ATF7: variants seen among roughly 807,000 people sequenced by gnomAD.
ATF7 encodes the protein cyclic AMP-dependent transcription factor ATF-7.
In ATF7, 10 loss-of-function variants were observed where a neutral mutation model predicts 50.4. The ratio of observed to expected loss-of-function variants is 0.20; its 90% confidence interval spans 0.12 to 0.34. The LOEUF (loss-of-function observed/expected upper bound fraction) is 0.34, where lower values mean the gene tolerates loss of function less well. ATF7 is among the 10% of genes least tolerant of loss of function. The pLI is 1.00. For synonymous variants in ATF7, 201 were observed against 226.4 expected (o/e 0.89, Z 1.01); for missense variants, 465 against 613.9 (o/e 0.76, Z 2.56).
At chr12:53,597,594 G>T (rs1392928839) in intron 2 of ATF7, among the ~76,000 whole-genome samples, 1 of 152,096 alleles carries the variant, frequency 6.6e-6, no homozygotes, top group Non-Finnish European at 1.5e-5. Context: ...AGGACCACGA[G>T]GTCAGGAGAC....
chr12:53,580,949 T>C (rs1942394260), intron 2 of ATF7, among the ~76,000 whole-genome samples: 1 of 150,798 alleles, frequency 6.6e-6, no homozygotes, highest in African/African-American at 2.4e-5. Flanking sequence ...CTGTCTCTAC[T>C]AAAAATACAA....
intron 3 of ATF7, among the ~76,000 whole-genome samples, chr12:53,551,389 C>T (rs913972526): frequency 6.6e-6 from 1 of 152,124 alleles, no homozygotes. Flanking sequence ...CTCGAACTCC[C>T]AGCCTCAAGC....
At chr12:53,625,045 A>T (rs1439854671) in intron 1 of ATF7, among the ~76,000 whole-genome samples, 1 of 152,222 alleles carries the variant, frequency 6.6e-6, no homozygotes, top group African/African-American at 2.4e-5. Context: ...TGTACTTAAT[A>T]TGACATGACC....
At chr12:53,552,493 T>C in intron 3 of ATF7, 48 bp downstream of exon 3, 2 of 1,428,412 alleles carry the variant, frequency 1.4e-6, no homozygotes, top group Non-Finnish European at 2.0e-6. Context: ...GTATTAATCT[T>C]AACTGCCTGG....
At chr12:53,562,405 C>T (rs1240453318) in intron 2 of ATF7, among the ~76,000 whole-genome samples, 1 of 152,060 alleles carries the variant, frequency 6.6e-6, no homozygotes, top group African/African-American at 2.4e-5. Context: ...TTTGAGAGGC[C>T]GAGGCGGGCA....
At chr12:53,577,728 A>AGAAAG (rs1555221467) in intron 2 of ATF7, among the ~76,000 whole-genome samples, 4 of 147,296 alleles carry the variant, frequency 2.7e-5, no homozygotes, top group East Asian at 2.0e-4. Flanking sequence ...AAAAAAAAAA[A>AGAAAG]AAAGAAAGAA....
chr12:53,565,745 A>G (rs1941412692), intron 2 of ATF7, among the ~76,000 whole-genome samples: 1 of 152,236 alleles, frequency 6.6e-6, no homozygotes, highest in Admixed American at 6.5e-5. Context: ...CACCTGCCTC[A>G]GCTTCCCAAA....
chr12:53,509,451 T>A (rs1201146832), downstream of ATF7, among the ~76,000 whole-genome samples: 2 of 151,810 alleles, frequency 1.3e-5, no homozygotes, highest in East Asian at 3.9e-4. Flanking sequence ...ATCTCTTTCA[T>A]GTGTAAAAGC....
intron 11 of ATF7, among the ~76,000 whole-genome samples, chr12:53,517,952 C>T (rs1316375933): frequency 6.6e-6 from 1 of 152,100 alleles, no homozygotes; most frequent in Non-Finnish European, 1.5e-5. Flanking sequence ...GCAACCTCTG[C>T]CATCCAGGTT....
chr12:53,546,204 C>A (rs1032593397), intron 3 of ATF7, among the ~76,000 whole-genome samples: 7 of 151,630 alleles, frequency 4.6e-5, no homozygotes, highest in African/African-American at 1.7e-4. Context: ...AAAAAACAAA[C>A]AAACAAACAA....
rs767868371 is a variant in ATF7 at position 53,514,369 on chromosome 12, T to G, written c.*2768A>C. ...CTCCCTTAGGCCTCTAGAAACGCCA[T>G]GGACTTTAGGAAGGGCCAAGTGACA... On this transcript the variant is annotated 3_prime_UTR_variant, in exon 12 of 12. Coordinates refer to ENST00000420353, the MANE Select transcript of ATF7 (RefSeq NM_006856.3). 1 of 152,186 alleles carries G rather than the reference T, an allele frequency of 6.6e-6. No homozygotes were observed. Among genetic ancestry groups the G allele is most frequent in the Admixed American group, 6.5e-5 (1 of 15,272 alleles). 9.4% of individuals were successfully genotyped at this position (152,186 alleles called of 1,614,324 possible).
chr12:53,622,493 G>A (rs1426557748), intron 1 of ATF7, among the ~76,000 whole-genome samples: 1 of 151,696 alleles, frequency 6.6e-6, no homozygotes, highest in Non-Finnish European at 1.5e-5. Flanking sequence ...GGTGGCGGGC[G>A]CCTGCTAGTC....
At chr12:53,582,300 G>C (rs1159625302) in intron 2 of ATF7, among the ~76,000 whole-genome samples, 1 of 149,488 alleles carries the variant, frequency 6.7e-6, no homozygotes. Flanking sequence ...CTACACTCCA[G>C]CCTGGCGACA....
intron 1 of ATF7, among the ~76,000 whole-genome samples, chr12:53,624,005 T>C (rs887286748): frequency 3.3e-5 from 5 of 152,194 alleles, no homozygotes; most frequent in African/African-American, 1.2e-4. Flanking sequence ...AGCAGTGTTA[T>C]CACTCTAGCT....
chr12:53,518,881 T>A (rs1937904300), intron 11 of ATF7, among the ~76,000 whole-genome samples: 1 of 145,306 alleles, frequency 6.9e-6, no homozygotes, highest in Non-Finnish European at 1.5e-5. Context: ...CCGTCTCTAC[T>A]CAAAAAAAAA....
intron 2 of ATF7, among the ~76,000 whole-genome samples, chr12:53,581,034 C>T (rs754588673): frequency 2.6e-5 from 4 of 151,984 alleles, no homozygotes; most frequent in East Asian, 1.9e-4. Flanking sequence ...ACCATTTGAA[C>T]CTGGGAGGTA....
chr12:53,587,289 C>A (rs2137742339), intron 2 of ATF7, among the ~76,000 whole-genome samples: 1 of 146,236 alleles, frequency 6.8e-6, no homozygotes, highest in East Asian at 2.1e-4. Context: ...ATCACTTGAA[C>A]CTGGGAAGTG....
At chr12:53,552,510 C>T (rs754243308) in intron 3 of ATF7, 31 bp downstream of exon 3, 15 of 1,562,650 alleles carry the variant, frequency 9.6e-6, no homozygotes, top group Non-Finnish European at 1.1e-5. Context: ...CTGGTGGTAT[C>T]AAGGCACGTG....
intron 1 of ATF7, among the ~76,000 whole-genome samples, chr12:53,623,276 A>C (rs143868154): frequency 4.3e-4 from 65 of 152,292 alleles, no homozygotes; most frequent in Admixed American, 1.5e-3. Context: ...ACATATCATA[A>C]ATTTATTTGA....
Sources: gnomAD v4.1 joint callset for allele counts (sites outside exome capture counted in the v4.1 genomes callset) on GRCh38, gnomAD v4.1.1 for gene constraint, MANE v1.5 for transcripts, NCBI Gene and HGNC (gene_info 2026-07-23, HGNC 2026-07-21) for gene names.